The following POLE variants were observed in gnomAD, a reference collection of about 807,000 sequenced individuals.
POLE encodes DNA polymerase epsilon catalytic subunit A.
Under a neutral mutation model 279.2 loss-of-function variants are expected in POLE, and 188 were observed. The ratio of observed to expected loss-of-function variants is 0.67; its 90% CI spans 0.60 to 0.76. The LOEUF is 0.76. POLE is among the 30% of genes least tolerant of loss of function. The pLI is 0.00. For missense variants in POLE, 2,703 were observed against 3,016.7 expected, an observed-to-expected ratio of 0.90 and a Z score of 2.44; for synonymous variants, 1,214 against 1,172.5, an observed-to-expected ratio of 1.04 and a Z score of -0.72.
chr12:132,640,687 T>A (rs1266387159), intron 39 of POLE, among the ~76,000 whole-genome samples: 2 of 152,254 alleles, frequency 1.3e-5, no homozygotes, highest in Non-Finnish European at 2.9e-5. Context: ...AAGAACAGAA[T>A]GTTACAAGAG....
chr12:132,662,384 A>G (rs2042699799), intron 23 of POLE, among the ~76,000 whole-genome samples: 1 of 152,252 alleles, frequency 6.6e-6, no homozygotes, highest in Admixed American at 6.5e-5. Flanking sequence ...GGACTCTAGG[A>G]TTGAACAAAC....
rs2042839305 is a variant in POLE at position 132,668,247 on chromosome 12, G to A, written c.2173+109C>T. ...CCTAGAGCAGCTTCTGGTCTGCTGT[G>A]ACAACACCTCTGGGGCCCCAGCTGG... On this transcript the variant is annotated intron_variant, in intron 19 of 48. Coordinates refer to ENST00000320574, the MANE Select transcript of POLE (RefSeq NM_006231.4). This position sits in a 1 kb window ranked among gnomAD's most constrained non-coding sequence, Gnocchi z 4.0. The A allele has an allele frequency of 4.5e-6, 6 of 1,328,384 alleles. No homozygotes were observed. The highest frequency in any genetic ancestry group is 1.0e-6 in the Non-Finnish European group (1 of 988,992). 82.3% of individuals were successfully genotyped at this position (1,328,384 alleles called of 1,614,324 possible).
intron 8 of POLE, among the ~76,000 whole-genome samples, chr12:132,677,126 C>T (rs1053973539): frequency 1.3e-5 from 2 of 152,172 alleles, no homozygotes; most frequent in Non-Finnish European, 2.9e-5. Flanking sequence ...AGCTTTCCCT[C>T]GAGTGTCCAA....
rs1289895048 is a variant in POLE at position 132,676,044 on chromosome 12, G to A, written c.1020+50C>T. The A allele has an allele frequency of 8.1e-7, 1 of 1,228,954 alleles. No individual in the cohort carries two copies. Among genetic ancestry groups the A allele is most frequent in the South Asian group, 1.3e-5 (1 of 79,518 alleles). 76.1% of individuals were successfully genotyped at this position (1,228,954 alleles called of 1,614,324 possible). A position where few individuals can be genotyped will look rare whatever the true frequency, so the allele number is the denominator to read the frequency against. On this transcript the variant is annotated intron_variant, in intron 10 of 48. Transcript: ENST00000320574. ...CCTGAGGCCTTGGAAAGATCCACAT[G>A]TCCGTTCTTCCCACAATACCGGGTA...
In POLE at chr12:132,624,430, G is replaced by T. The variant is rs967520681; in HGVS notation, c.*267C>A. The stretch of plus-strand genomic sequence containing the variant: ...GAAAAGCATTCACTGCGTGAGAAAC[G>T]GCGCCCAGGGCACTCGCAGCCTCGC... On this transcript the variant is annotated 3_prime_UTR_variant, in exon 49 of 49. Coordinates refer to ENST00000320574, the MANE Select transcript of POLE (RefSeq NM_006231.4). 3.7e-6 allele frequency: 2 copies of T among 543,064 alleles called. No homozygotes were observed. The highest frequency in any genetic ancestry group is 4.4e-5 in the South Asian group (2 of 45,242). The allele number at this position is 543,064 out of a possible 1,614,324, so 33.6% of individuals were successfully genotyped here.
At position 132,672,948 on chromosome 12, in the gene POLE, C is replaced by T. The variant is rs5744779; in HGVS notation, c.1474-109G>A. The T allele has an allele frequency of 5.3e-4, 556 of 1,044,436 alleles. 7 individuals are homozygous for T. In the African/African-American group the frequency reaches 7.6e-3, roughly 14 times the overall value. 64.7% of individuals were successfully genotyped at this position (1,044,436 alleles called of 1,614,324 possible). ...TTCAGTGTGAAAGGAGAGAAAACCTCGTGGTAAATGGCTGCAAATTCTGCC... is the reference window on the plus strand; with the variant it reads ...TTCAGTGTGAAAGGAGAGAAAACCTTGTGGTAAATGGCTGCAAATTCTGCC... On this transcript the variant is annotated intron_variant, in intron 14 of 48. Transcript: ENST00000320574.
At position 132,679,545 on chromosome 12, in the gene POLE, T is replaced by C. The variant is rs2043122997; in HGVS notation, c.530A>G (p.Asn177Ser). The C allele has an allele frequency of 3.1e-6, 5 of 1,614,094 alleles. No homozygotes were observed. The East Asian group carries it at 8.9e-5, about 29-fold the overall frequency. ...GTCGCTGGCGTGATCCTGCTCCCTGTTCTTCTTCACGGCAGGGGAGATCTC... is the reference window on the plus strand; with the variant it reads ...GTCGCTGGCGTGATCCTGCTCCCTGCTCTTCTTCACGGCAGGGGAGATCTC... The part of the protein sequence containing the change: ...RKEISPAVKK[N>S]REQDHASDAY... The change falls in exon 6 of 49, where the codon AAC becomes AGC. Residue 177 changes from asparagine (N) to serine (S), a missense_variant. By Grantham distance (46) the Asn-to-Ser change is conservative. This residue lies in a region of POLE where 1,011 missense variants were observed against 1,111.7 expected (regional missense o/e 0.91). Coordinates refer to ENST00000320574, the MANE Select transcript of POLE (RefSeq NM_006231.4).
At chr12:132,641,161 G>A (rs2042132628) in intron 39 of POLE, 2 of 433,436 alleles carry the variant, frequency 4.6e-6, no homozygotes, top group African/African-American at 2.0e-5. Flanking sequence ...CCACCTCCTG[G>A]TACACAGCAA....
rs761997411 is a variant in POLE, at chr12:132,661,180, A to T, written c.2865-16T>A. On this transcript the variant is annotated splice_polypyrimidine_tract_variant and intron_variant, in intron 24 of 48. Coordinates refer to ENST00000320574, the MANE Select transcript of POLE (RefSeq NM_006231.4). This position sits in a 1 kb window ranked among gnomAD's most constrained non-coding sequence, Gnocchi z 4.1. ...CACAGCATACCTGAAAAAAAAAAAA[A>T]AGGCAAGCACAGCAGTGGCAAGGAG... 6.4e-7 allele frequency: 1 copy of T among 1,572,684 alleles called. No homozygotes were observed. Among genetic ancestry groups the T allele is most frequent in the Non-Finnish European group, 8.6e-7 (1 of 1,161,444 alleles).
At position 132,662,986 on chromosome 12, in the gene POLE, C is replaced by G. The variant is rs148369339; in HGVS notation, c.2706+1018G>C. ...GATACAGTAGAAGGAATGAAGGAAA[C>G]AGACAATCGCCAGAGAAAAACCACG... On this transcript the variant is annotated intron_variant, in intron 23 of 48. Coordinates refer to ENST00000320574, the MANE Select transcript of POLE (RefSeq NM_006231.4). Among the ~76,000 whole-genome samples, 11 of 152,354 alleles carry G rather than the reference C, an allele frequency of 7.2e-5. No homozygotes were observed. In the East Asian group the frequency reaches 1.9e-3, roughly 27 times the overall value.
chr12:132,679,916 G>A, intron 5 of POLE, 38 bp downstream of exon 5: 1 of 1,418,266 alleles, frequency 7.1e-7, no homozygotes. Flanking sequence ...TGTAGACTCT[G>A]GCCTCATTTA....
chr12:132,668,640 T>A lies in POLE; in HGVS notation c.2021A>T (p.Glu674Val), dbSNP rs1270807618. 1.2e-6 allele frequency: 2 copies of A among 1,611,286 alleles called. No individual in the cohort carries two copies. Among genetic ancestry groups the A allele is most frequent in the Non-Finnish European group, 1.7e-6 (2 of 1,177,782 alleles). The change falls in exon 18 of 49, where the codon GAG becomes GTG. Residue 674 changes from glutamate (E) to valine (V), a missense_variant. Coordinates refer to ENST00000320574, the MANE Select transcript of POLE (RefSeq NM_006231.4). The surrounding 1 kb of genome is among the most constrained non-coding windows in gnomAD (Gnocchi z 4.0). ...CCCAGGCGGCCGACACTCACTGAACTCGCCCCTCCACTGCCAGGCCATCTT... is the reference window on the plus strand; with the variant it reads ...CCCAGGCGGCCGACACTCACTGAACACGCCCCTCCACTGCCAGGCCATCTT... ...QRKMAWQWRG[E>V]FMPASRSEYH...
chr12:132,657,519 G>C (rs533558211), intron 27 of POLE, 90 bp from the exon 28 acceptor site: 1 of 1,071,524 alleles, frequency 9.3e-7, no homozygotes, highest in Admixed American at 2.0e-5. Flanking sequence ...GCTAACCACT[G>C]TGTCTTATTT....
Position 132,672,256 on chromosome 12 carries a change from C to G in POLE, c.1753G>C (p.Glu585Gln), listed in dbSNP as rs1319461296. The G allele has an allele frequency of 6.2e-7, 1 of 1,614,220 alleles. No individual in the cohort carries two copies. The highest frequency in any genetic ancestry group is 1.7e-5 in the Admixed American group (1 of 60,030). Residue 585 changes from glutamate to glutamine, a missense_variant, in exon 16 of 49, where the codon GAG becomes CAG. Around this residue, in one of 5 missense-constraint regions of POLE, gnomAD observed 1,011 missense variants for 1,111.7 expected, o/e 0.91. Transcript: ENST00000320574. The stretch of plus-strand genomic sequence containing the variant: ...ACTTGCTCCACAGGCACTTTCTCCT[C>G]TTCCTCAAGGGCGTGGCGCAAGGTC... Reference protein sequence around the residue: ...EKTLRHALEEEEKVPVEQVTN... With the variant: ...EKTLRHALEEQEKVPVEQVTN...
intron 7 of POLE, 42 bp downstream of exon 7, chr12:132,677,536 A>G (rs1175133315): frequency 1.2e-6 from 2 of 1,613,082 alleles, no homozygotes; most frequent in Non-Finnish European, 1.7e-6. Context: ...CCTGGCTGTT[A>G]GGAAATTCAT....
Position 132,648,934 on chromosome 12 carries a change from G to A in POLE, c.4144C>T (p.Arg1382Cys), listed in dbSNP as rs5744904. 1.6e-5 allele frequency: 26 copies of A among 1,611,838 alleles called. No homozygotes were observed. In the East Asian group the frequency reaches 3.8e-4, roughly 24 times the overall value. Reference protein sequence around the residue: ...VAKAEEGASYRKVNRVLPRSN... With the variant: ...VAKAEEGASYCKVNRVLPRSN... Reference sequence around the variant, plus strand: ...CAGCACCAGCTCCTCCCTACCTTGCGATACGAAGCACCCTCCTCCGCTTTA... The same window carrying A: ...CAGCACCAGCTCCTCCCTACCTTGCAATACGAAGCACCCTCCTCCGCTTTA... The change falls in exon 32 of 49, where the codon CGC becomes TGC. Residue 1382 changes from arginine to cysteine, a missense_variant. Transcript: ENST00000320574.
chr12:132,634,170 T>C lies in POLE; in HGVS notation c.6004+16A>G, dbSNP rs2041988381. 2 of 1,599,188 alleles carry C rather than the reference T, an allele frequency of 1.3e-6. No homozygotes were observed. Among genetic ancestry groups the C allele is most frequent in the African/African-American group, 1.3e-5 (1 of 74,804 alleles). ...CCCTTCAGTGGGGGCTGCGCAGCCC[T>C]GGGCTCTGGGCTTACCTGAAACAAT... On this transcript the variant is annotated intron_variant, in intron 43 of 48. Transcript: ENST00000320574. This position sits in a 1 kb window ranked among gnomAD's most constrained non-coding sequence, Gnocchi z 4.0.
chr12:132,673,960 T>A (rs1421430999), intron 12 of POLE, among the ~76,000 whole-genome samples: 3 of 152,162 alleles, frequency 2.0e-5, no homozygotes, highest in Non-Finnish European at 4.4e-5. Flanking sequence ...CTTCCTCCCA[T>A]CCTCAGCAGA....
Position 132,681,594 on chromosome 12 carries a change from C to T in POLE, c.63-315G>A, listed in dbSNP as rs748188974. On this transcript the variant is annotated intron_variant, in intron 1 of 48. Transcript: ENST00000320574. ...TCCTGACCTTGTGATCCGACTGCCA[C>T]CTACTTCTGCAACCCTCATCCCACC... Among the ~76,000 whole-genome samples, 54 of 152,002 alleles carry T rather than the reference C, an allele frequency of 3.6e-4. 1 individual carries two copies. In the Middle Eastern group the frequency reaches 0.014, roughly 38 times the overall value.
Sources: allele counts gnomAD v4.1 joint callset (sites outside exome capture counted in the v4.1 genomes callset), GRCh38; gene constraint gnomAD v4.1.1; regional missense constraint gnomAD v4.1.1; non-coding constraint Gnocchi (gnomAD v3.1); transcripts MANE v1.5; gene names NCBI Gene and HGNC (gene_info 2026-07-23, HGNC 2026-07-21).